The following GPR6 variants were observed in gnomAD, a reference collection of about 807,000 sequenced individuals.
GPR6 encodes G protein-coupled receptor 6, also known as sphingosine 1-phosphate receptor GPR6.
GPR6 carries 14 observed loss-of-function variants against 18.5 expected under a neutral mutation model. The ratio of observed to expected loss-of-function variants is 0.76; its 90% CI spans 0.50 to 1.18. The LOEUF (loss-of-function observed/expected upper bound fraction) is 1.18. Ranked by LOEUF, GPR6 falls within the 50% of genes most tolerant of loss-of-function variation. GPR6 has a pLI of 0.00. For synonymous variants in GPR6, 299 were observed against 240.9 expected (o/e 1.24, Z -2.23); for missense variants, 477 against 495.9 (o/e 0.96, Z 0.36).
chr6:109,980,305 T>A lies in GPR6; in HGVS notation c.*104T>A, dbSNP rs1408806191. The stretch of plus-strand genomic sequence containing the variant: ...CTCTGAGATCCCAATGGTGTGAGTC[T>A]GACTTTGGAAAGAAAAAGGGACTAA... On this transcript the variant is annotated 3_prime_UTR_variant, in exon 2 of 2. Coordinates refer to ENST00000275169, the MANE Select transcript of GPR6 (RefSeq NM_005284.5). 7 of 1,505,818 alleles carry A rather than the reference T, an allele frequency of 4.6e-6. No homozygotes were observed. Among genetic ancestry groups the A allele is most frequent in the African/African-American group, 2.8e-5 (2 of 70,894 alleles). The allele number at this position is 1,505,818 out of a possible 1,614,324, so 93.3% of individuals were successfully genotyped here.
chr6:109,979,365 G>A lies in GPR6; in HGVS notation c.253G>A (p.Val85Met). 6.2e-7 allele frequency: 1 copy of A among 1,613,842 alleles called. No homozygotes were observed. Residue 85 changes from valine (V) to methionine (M), a missense_variant, in exon 2 of 2, where the codon GTG (valine) becomes ATG (methionine). Coordinates refer to ENST00000275169, the MANE Select transcript of GPR6 (RefSeq NM_005284.5). ...CGTGCTCCTGTGCGTGTCGGGGACA[G>A]TGATCGCTGGAGAAAACGCGCTGGT... ...WDVLLCVSGT[V>M]IAGENALVVA...
chr6:109,978,664 G>T, intron 1 of GPR6, 197 bp downstream of exon 1: 2 of 1,383,544 alleles, frequency 1.4e-6, no homozygotes, highest in Middle Eastern at 2.1e-4. Context: ...GACTCTCCAG[G>T]CTTCGCAATG....
intron 1 of GPR6, chr6:109,978,859 T>C (rs1771004073): frequency 1.3e-6 from 2 of 1,534,386 alleles, no homozygotes; most frequent in African/African-American, 1.4e-5. Flanking sequence ...TGTGAGTGCA[T>C]GTTGTCCTGG....
At chr6:109,978,643 C>G (rs1770998139) in intron 1 of GPR6, 176 bp downstream of exon 1, 1 of 1,148,698 alleles carries the variant, frequency 8.7e-7, no homozygotes, top group Non-Finnish European at 1.2e-6. Context: ...GCAGGGGTCT[C>G]TGGGCTCCAG....
rs1437425468 is a variant in GPR6 at position 109,980,357 on chromosome 6, CAA to C, written c.*158_*159del. ...GAGAAATGTAACAAACTTACAAGGA[CAA>C]AGAGGCTTGTTGGCACTTTACATAT... On this transcript the variant is annotated 3_prime_UTR_variant, in exon 2 of 2. Coordinates refer to ENST00000275169, the MANE Select transcript of GPR6 (RefSeq NM_005284.5). 9.7e-7 allele frequency: 1 copy of C among 1,032,022 alleles called. No individual in the cohort carries two copies. The highest frequency in any genetic ancestry group is 1.6e-5 in the African/African-American group (1 of 61,696). 63.9% of individuals were successfully genotyped at this position (1,032,022 alleles called of 1,614,324 possible).
chr6:109,979,038 G>C (rs1488870332), intron 1 of GPR6, 57 bp from the exon 2 acceptor site: 7 of 1,536,274 alleles, frequency 4.6e-6, no homozygotes, highest in East Asian at 4.5e-5. Flanking sequence ...TACGCGTGGG[G>C]AAGTTTCCTG....
At position 109,980,280 on chromosome 6, in the gene GPR6, C is replaced by T. The variant is rs1771060536; in HGVS notation, c.*79C>T. ...GGTAAGCTCGGTGCCTGCTGACGAA[C>T]TCTGAGATCCCAATGGTGTGAGTCT... On this transcript the variant is annotated 3_prime_UTR_variant, in exon 2 of 2. Transcript: ENST00000275169. 1 of 1,569,118 alleles carries T rather than the reference C, an allele frequency of 6.4e-7. No homozygotes were observed. The highest frequency in any genetic ancestry group is 8.7e-7 in the Non-Finnish European group (1 of 1,151,778).
rs763403874 is a variant in GPR6, at chr6:109,980,181, A to AGGT, written c.1070_1072dup (p.Arg357_Ser358insTrp). ...CCAGTCCAAAGTGCCCTTTCGTTCCAGGTCTCCCAGCGAGGTCTGAAGGGC... is the reference window on the plus strand; with the variant it reads ...CCAGTCCAAAGTGCCCTTTCGTTCCAGGTGGTCTCCCAGCGAGGTCTGAAGGGC... On this transcript the variant is annotated inframe_insertion, in exon 2 of 2. Coordinates refer to ENST00000275169, the MANE Select transcript of GPR6 (RefSeq NM_005284.5). 2 of 1,614,168 alleles carry AGGT rather than the reference A, an allele frequency of 1.2e-6. No homozygotes were observed. Among genetic ancestry groups the AGGT allele is most frequent in the Non-Finnish European group, 1.7e-6 (2 of 1,180,022 alleles).
In GPR6 at chr6:109,979,219, G is replaced by C; in HGVS notation, c.107G>C (p.Trp36Ser). The C allele has an allele frequency of 6.2e-7, 1 of 1,603,380 alleles. No individual in the cohort carries two copies. The change falls in exon 2 of 2, where the codon TGG becomes TCG. Residue 36 changes from tryptophan to serine, a missense_variant. Coordinates refer to ENST00000275169, the MANE Select transcript of GPR6 (RefSeq NM_005284.5). ...GCAGGGGGGCCGGACACGGGCGAATGGGGACCCCCTGCTGCGGCGGCTCTA... is the reference window on the plus strand; with the variant it reads ...GCAGGGGGGCCGGACACGGGCGAATCGGGACCCCCTGCTGCGGCGGCTCTA... Reference protein sequence around the residue: ...TAAGGPDTGEWGPPAAAALGA... With the variant: ...TAAGGPDTGESGPPAAAALGA...
At position 109,979,370 on chromosome 6, in the gene GPR6, C is replaced by T. The variant is rs754210386; in HGVS notation, c.258C>T (p.Ile86=). The change falls in exon 2 of 2, where the codon ATC becomes ATT. Residue 86 remains isoleucine, a synonymous_variant. Transcript: ENST00000275169. ...DVLLCVSGTV[I]AGENALVVAL... ...TCCTGTGCGTGTCGGGGACAGTGAT[C>T]GCTGGAGAAAACGCGCTGGTGGTGG... 3 of 1,613,810 alleles carry T rather than the reference C, an allele frequency of 1.9e-6. No homozygotes were observed. Among genetic ancestry groups the T allele is most frequent in the Non-Finnish European group, 1.7e-6 (2 of 1,179,978 alleles).
chr6:109,978,947 C>A (rs1251212286), intron 1 of GPR6, 148 bp from the exon 2 acceptor site: 3 of 1,530,182 alleles, frequency 2.0e-6, no homozygotes, highest in Non-Finnish European at 2.6e-6. Context: ...TGGGTTCGCA[C>A]TTAACCCATG....
chr6:109,978,761 C>T (rs1178324177), intron 1 of GPR6: 2 of 1,535,554 alleles, frequency 1.3e-6, no homozygotes, highest in Non-Finnish European at 1.7e-6. Context: ...ACAACCCAGG[C>T]GGGACTCTCC....
At chr6:109,978,966 A>G in intron 1 of GPR6, 129 bp from the exon 2 acceptor site, 1 of 1,531,664 alleles carries the variant, frequency 6.5e-7, no homozygotes, top group African/African-American at 1.4e-5. Context: ...TGATTCCCCG[A>G]TTTGCTCTGG....
Position 109,979,953 on chromosome 6 carries a change from C to T in GPR6, c.841C>T (p.Leu281=), listed in dbSNP as rs1423067087. 6.2e-7 allele frequency: 1 copy of T among 1,613,088 alleles called. No individual in the cohort carries two copies. The highest frequency in any genetic ancestry group is 8.5e-7 in the Non-Finnish European group (1 of 1,180,042). The change falls in exon 2 of 2, where the codon CTG becomes TTG. Residue 281 remains leucine (L), a synonymous_variant. Coordinates refer to ENST00000275169, the MANE Select transcript of GPR6 (RefSeq NM_005284.5). ...TGCCACCAGAAAGGGTGTGGGTACA[C>T]TGGCTGTGGTGCTGGGCACTTTCGG... The part of the protein sequence containing the change: ...LAATRKGVGT[L]AVVLGTFGAS...
In GPR6 at chr6:109,979,599, A is replaced by G; in HGVS notation, c.487A>G (p.Thr163Ala). 1 of 1,612,632 alleles carries G rather than the reference A, an allele frequency of 6.2e-7. No individual in the cohort carries two copies. The highest frequency in any genetic ancestry group is 1.1e-5 in the South Asian group (1 of 91,088). ...CTCTGTCAGCAGCCTGCTGGCCATT[A>G]CGGTGGACCGCTACCTGTCCCTGTA... ...AASVSSLLAI[T>A]VDRYLSLYNA... The change falls in exon 2 of 2, where the codon ACG (threonine) becomes GCG (alanine). Residue 163 changes from threonine (T) to alanine (A), a missense_variant. Thr to Ala is a moderately conservative substitution (Grantham distance 58). Transcript: ENST00000275169.
chr6:109,979,061 G>A (rs770236946), intron 1 of GPR6, 34 bp from the exon 2 acceptor site: 4 of 1,542,366 alleles, frequency 2.6e-6, no homozygotes, highest in Non-Finnish European at 3.5e-6. Context: ...AGCCTGAAGT[G>A]TACACCTGAC....
In GPR6 at chr6:109,980,472, CAAGAAA is replaced by C; in HGVS notation, c.*276_*281del. On this transcript the variant is annotated 3_prime_UTR_variant, in exon 2 of 2. Transcript: ENST00000275169. ...TGGAGCTTCCTATTCTGTGAAAAAC[CAAGAAA>C]AAGATATGGTTGTATACTCAAATTG... The C allele has an allele frequency of 2.1e-6, 1 of 485,142 alleles. No homozygotes were observed. Among genetic ancestry groups the C allele is most frequent in the Non-Finnish European group, 3.7e-6 (1 of 269,700 alleles). The allele number at this position is 485,142 out of a possible 1,614,324, so 30.1% of individuals were successfully genotyped here.
In GPR6 at chr6:109,979,466, C is replaced by T; in HGVS notation, c.354C>T (p.Asp118=). The T allele has an allele frequency of 6.2e-7, 1 of 1,613,398 alleles. No homozygotes were observed. The highest frequency in any genetic ancestry group is 8.5e-7 in the Non-Finnish European group (1 of 1,179,994). Residue 118 remains aspartate (D), a synonymous_variant, in exon 2 of 2, where the codon GAC becomes GAT. Transcript: ENST00000275169. ...TGGTAGGCAGCCTGGCCACCGCTGA[C>T]CTGTTGGCGGGCTGTGGCCTCATCT... ...FVLVGSLATA[D]LLAGCGLILH...
At position 109,979,752 on chromosome 6, in the gene GPR6, G is replaced by T. The variant is rs112645481; in HGVS notation, c.640G>T (p.Ala214Ser). ...GGGCTGGAACTGCCTGGCAGAGCGC[G>T]CCGCCTGCAGCGTGGTGCGCCCGCT... ...VLGWNCLAER[A>S]ACSVVRPLAR... The change falls in exon 2 of 2, where the codon GCC becomes TCC. Residue 214 changes from alanine (A) to serine (S), a missense_variant. Transcript: ENST00000275169. The T allele has an allele frequency of 7.7e-4, 1,225 of 1,599,814 alleles. 8 individuals carry two copies. In the African/African-American group the frequency reaches 0.011, roughly 14 times the overall value.
Sources: allele counts gnomAD v4.1 joint callset, GRCh38; gene constraint gnomAD v4.1.1; transcripts MANE v1.5; gene names NCBI Gene and HGNC (gene_info 2026-07-23, HGNC 2026-07-21).